UNC79: variants seen among roughly 807,000 people sequenced by gnomAD.
UNC79 encodes protein unc-79 homolog.
UNC79 carries 37 observed loss-of-function variants against 283.1 expected under a neutral mutation model. That is an observed-to-expected ratio of 0.13 (90% CI 0.10 to 0.17). The LOEUF (loss-of-function observed/expected upper bound fraction) is 0.17, where lower values mean the gene tolerates loss of function less well. Among genes scored for constraint, UNC79 ranks in the 10% least tolerant of loss-of-function variants. The pLI is 1.00. For missense variants in UNC79, 2,272 were observed against 3,211.1 expected, an observed-to-expected ratio of 0.71 and a Z score of 7.07; for synonymous variants, 1,107 against 1,200.2, an observed-to-expected ratio of 0.92 and a Z score of 1.61.
chr14:93,525,128 CA>C (rs1464167427), intron 8 of UNC79, among the ~76,000 whole-genome samples: 1 of 152,056 alleles, frequency 6.6e-6, no homozygotes, highest in Non-Finnish European at 1.5e-5. Context: ...TTGTTGAAGG[CA>C]AATTGAATGG....
chr14:93,364,452 G>A (rs1479054646), intron 1 of UNC79, among the ~76,000 whole-genome samples: 1 of 151,290 alleles, frequency 6.6e-6, no homozygotes, highest in East Asian at 1.9e-4. Flanking sequence ...GGAGAGATTA[G>A]ATCAAGAAGG....
intron 26 of UNC79, among the ~76,000 whole-genome samples, chr14:93,611,405 C>T (rs1207257327): frequency 6.6e-6 from 1 of 152,174 alleles, no homozygotes; most frequent in Non-Finnish European, 1.5e-5. Context: ...AACAGACCAA[C>T]ATTCATCTGA....
intron 43 of UNC79, among the ~76,000 whole-genome samples, chr14:93,687,218 A>G (rs2074312878): frequency 6.6e-6 from 1 of 152,238 alleles, no homozygotes; most frequent in South Asian, 2.1e-4. Flanking sequence ...TACACCATGT[A>G]TTATTTTTTG....
rs2060817417 is a variant in UNC79, at chr14:93,531,404, G to T, written c.1094-1146G>T. Among the ~76,000 whole-genome samples, 1 of 152,100 alleles carries T rather than the reference G, an allele frequency of 6.6e-6. No individual in the cohort carries two copies. The highest frequency in any genetic ancestry group is 1.5e-5 in the Non-Finnish European group (1 of 68,020). ...AATAAGGTGTTAGTTCATTTTTTGAGTACATACTATTTCAGAGTACATATT... is the reference window on the plus strand; with the variant it reads ...AATAAGGTGTTAGTTCATTTTTTGATTACATACTATTTCAGAGTACATATT... On this transcript the variant is annotated intron_variant, in intron 10 of 48. Coordinates refer to ENST00000555664, the Ensembl canonical transcript of UNC79. This position sits in a 1 kb window ranked among gnomAD's most constrained non-coding sequence, Gnocchi z 4.2.
intron 1 of UNC79, among the ~76,000 whole-genome samples, chr14:93,455,505 G>C (rs2056770752): frequency 6.6e-6 from 1 of 152,088 alleles, no homozygotes; most frequent in Admixed American, 6.6e-5. Context: ...GTCTGTGTGT[G>C]TGTAGGGGGC....
chr14:93,683,945 A>AT (rs1220376256), intron 42 of UNC79, among the ~76,000 whole-genome samples: 1 of 152,072 alleles, frequency 6.6e-6, no homozygotes, highest in African/African-American at 2.4e-5. Flanking sequence ...ATGATTATAC[A>AT]TTCATGAAAC....
intron 5 of UNC79, among the ~76,000 whole-genome samples, chr14:93,493,802 A>G (rs145570147): frequency 8.5e-4 from 127 of 150,258 alleles, no homozygotes; most frequent in African/African-American, 3.0e-3. Context: ...ACTCATAATC[A>G]TGGTAGAAGG....
intron 33 of UNC79, among the ~76,000 whole-genome samples, chr14:93,642,035 A>T (rs1399449075): frequency 8.5e-6 from 1 of 117,086 alleles, no homozygotes; most frequent in East Asian, 2.3e-4. Context: ...TGGAACTGAG[A>T]GTCAATTAAA....
At chr14:93,659,169 A>T (rs781570890) in intron 38 of UNC79, 24 bp from the exon 42 acceptor site, 1 of 1,567,990 alleles carries the variant, frequency 6.4e-7, no homozygotes, top group Non-Finnish European at 8.7e-7. Flanking sequence ...ACTAATTTTT[A>T]CTTTTTTTCA....
chr14:93,677,691 C>G (rs2073464455), intron 41 of UNC79, among the ~76,000 whole-genome samples: 1 of 152,098 alleles, frequency 6.6e-6, no homozygotes, highest in Non-Finnish European at 1.5e-5. Flanking sequence ...GCTCTGTCAC[C>G]CAGGCTGGAG....
At chr14:93,665,338 G>A (rs907456540) in intron 40 of UNC79, among the ~76,000 whole-genome samples, 6 of 151,664 alleles carry the variant, frequency 4.0e-5, no homozygotes, top group African/African-American at 9.6e-5. Flanking sequence ...ATTAGACATA[G>A]CCAAAGAGAG....
chr14:93,371,670 T>C (rs747230177), intron 1 of UNC79, among the ~76,000 whole-genome samples: 3 of 151,302 alleles, frequency 2.0e-5, no homozygotes, highest in Admixed American at 6.6e-5. Flanking sequence ...GAAACCCTGT[T>C]TCTACTAAAA....
At chr14:93,588,102 G>A (rs935230773) in intron 22 of UNC79, among the ~76,000 whole-genome samples, 2 of 151,746 alleles carry the variant, frequency 1.3e-5, no homozygotes, top group Admixed American at 6.6e-5. Flanking sequence ...TTATTTTGCC[G>A]GATGGTGTGG....
intron 1 of UNC79, among the ~76,000 whole-genome samples, chr14:93,355,865 C>T (rs1171910977): frequency 6.6e-6 from 1 of 152,102 alleles, no homozygotes; most frequent in Admixed American, 6.5e-5. Context: ...CCTTCTTCTC[C>T]AATTTGTACT....
chr14:93,688,562 TGGCGA>T lies in UNC79; in HGVS notation c.6910-102_6910-98del. 7.5e-7 allele frequency: 1 copy of T among 1,326,232 alleles called. No homozygotes were observed. The highest frequency in any genetic ancestry group is 2.4e-5 in the East Asian group (1 of 42,240). 82.2% of individuals were successfully genotyped at this position (1,326,232 alleles called of 1,614,324 possible). ...GTTTAAGCAGGTTGTTTGCTCAGAGTGGCGATAAGCGGGGTGGAAATGACAACCTC... is the reference window on the plus strand; with the variant it reads ...GTTTAAGCAGGTTGTTTGCTCAGAGTTAAGCGGGGTGGAAATGACAACCTC... On this transcript the variant is annotated intron_variant, in intron 43 of 48. Transcript: ENST00000555664. The surrounding 1 kb of genome is among the most constrained non-coding windows in gnomAD (Gnocchi z 4.0).
intron 11 of UNC79, among the ~76,000 whole-genome samples, chr14:93,536,625 C>G (rs1471196457): frequency 6.6e-6 from 1 of 152,028 alleles, no homozygotes; most frequent in Non-Finnish European, 1.5e-5. Context: ...GAGTCAAATG[C>G]ACAAACCTCT....
At chr14:93,608,196 AT>A (rs1196763076) in intron 26 of UNC79, among the ~76,000 whole-genome samples, 3 of 152,180 alleles carry the variant, frequency 2.0e-5, no homozygotes, top group Admixed American at 2.0e-4. Context: ...GGACTAGGAA[AT>A]ACGAAGAATA....
intron 1 of UNC79, among the ~76,000 whole-genome samples, chr14:93,354,477 C>T (rs902571284): frequency 2.2e-4 from 34 of 152,156 alleles, no homozygotes; most frequent in African/African-American, 7.7e-4. Context: ...AATTCAAAAT[C>T]TGAAACACTT....
At chr14:93,395,489 G>C (rs2054975896) in intron 1 of UNC79, among the ~76,000 whole-genome samples, 1 of 152,116 alleles carries the variant, frequency 6.6e-6, no homozygotes, top group South Asian at 2.1e-4. Context: ...TTACATGCCA[G>C]ATCTAATGAG....
Sources: allele counts gnomAD v4.1 joint callset (sites outside exome capture counted in the v4.1 genomes callset), GRCh38; gene constraint gnomAD v4.1.1; non-coding constraint Gnocchi (gnomAD v3.1); transcripts MANE v1.5; gene names NCBI Gene and HGNC (gene_info 2026-07-23, HGNC 2026-07-21).